Variants in CADPS observed in about 807,000 individuals in gnomAD.
CADPS encodes calcium-dependent secretion activator 1.
A neutral mutation model predicts 167.3 loss-of-function variants in CADPS; 57 were observed. The observed-to-expected ratio is 0.34, with a 90% CI of 0.28 to 0.42. CADPS has a LOEUF of 0.42. CADPS is among the 20% of genes least tolerant of loss of function. The probability of loss-of-function intolerance (pLI) is 1.00; values close to 1 mark genes in which losing one functional copy is unlikely to be tolerated. For missense variants in CADPS, 1,414 were observed against 1,738.1 expected (o/e 0.81, Z 3.32); for synonymous variants, 676 against 635.3 (o/e 1.06, Z -0.96).
chr3:62,649,127 C>T (rs2069345059), intron 5 of CADPS, among the ~76,000 whole-genome samples: 1 of 152,154 alleles, frequency 6.6e-6, no homozygotes, highest in South Asian at 2.1e-4. Flanking sequence ...AATTTGATCT[C>T]TTCTCTTGGT....
chr3:62,632,520 T>C (rs1277859026), intron 6 of CADPS, among the ~76,000 whole-genome samples: 4 of 152,082 alleles, frequency 2.6e-5, no homozygotes, highest in Non-Finnish European at 4.4e-5. Context: ...CACCGTAGAG[T>C]TGGAGTCAAG....
intron 3 of CADPS, among the ~76,000 whole-genome samples, chr3:62,702,744 G>A (rs1447563041): frequency 2.0e-5 from 3 of 152,124 alleles, no homozygotes; most frequent in Non-Finnish European, 2.9e-5. Flanking sequence ...CAGTTGAAAT[G>A]TGGCTAGTGC....
intron 11 of CADPS, among the ~76,000 whole-genome samples, chr3:62,541,752 A>G (rs529125415): frequency 6.6e-6 from 1 of 152,200 alleles, no homozygotes; most frequent in Non-Finnish European, 1.5e-5. Context: ...TTGTTCTTTG[A>G]TCATGATATT....
intron 3 of CADPS, among the ~76,000 whole-genome samples, chr3:62,687,029 C>G (rs567560680): frequency 4.5e-4 from 68 of 152,268 alleles, no homozygotes; most frequent in Non-Finnish European, 8.7e-4. Context: ...AGTAGCACAT[C>G]TGCAGCAGCT....
chr3:62,686,101 T>C (rs1402928475), intron 3 of CADPS, among the ~76,000 whole-genome samples: 1 of 152,096 alleles, frequency 6.6e-6, no homozygotes, highest in Non-Finnish European at 1.5e-5. Flanking sequence ...CCCATAAATA[T>C]GTACGATTAT....
At chr3:62,605,414 C>A (rs572430263) in intron 6 of CADPS, among the ~76,000 whole-genome samples, 16 of 152,344 alleles carry the variant, frequency 1.1e-4, no homozygotes, top group Admixed American at 9.8e-4. Flanking sequence ...GCTTTATGAT[C>A]TCAGACACAT....
intron 29 of CADPS, among the ~76,000 whole-genome samples, chr3:62,401,893 C>T (rs950188675): frequency 2.6e-5 from 4 of 152,084 alleles, no homozygotes; most frequent in Non-Finnish European, 5.9e-5. Context: ...TTCATGTCTA[C>T]CCAATAAGGG....
chr3:62,791,538 G>C (rs1373777495), intron 1 of CADPS, among the ~76,000 whole-genome samples: 1 of 152,138 alleles, frequency 6.6e-6, no homozygotes, highest in Non-Finnish European at 1.5e-5. Flanking sequence ...TCTCCAGGTT[G>C]ATTCATATGA....
chr3:62,486,308 G>A (rs1410905600), intron 21 of CADPS, among the ~76,000 whole-genome samples: 2 of 151,928 alleles, frequency 1.3e-5, no homozygotes, highest in Non-Finnish European at 2.9e-5. Flanking sequence ...AGCTGGGCGT[G>A]GTGGCAGGCA....
chr3:62,586,447 A>G (rs898903737), intron 7 of CADPS, among the ~76,000 whole-genome samples: 6 of 152,014 alleles, frequency 3.9e-5, no homozygotes, highest in African/African-American at 1.4e-4. Context: ...GGGCAGACAC[A>G]TATGGCTCCC....
chr3:62,518,359 T>G, intron 13 of CADPS, 109 bp from the exon 14 acceptor site: 1 of 774,038 alleles, frequency 1.3e-6, no homozygotes, highest in Non-Finnish European at 2.1e-6. Flanking sequence ...ACTACAGTGA[T>G]CGATGTGAGC....
At position 62,587,255 on chromosome 3, in the gene CADPS, T is replaced by C. The variant is rs141115141; in HGVS notation, c.1438-1931A>G. Among the ~76,000 whole-genome samples, 69 of 152,352 alleles carry C rather than the reference T, an allele frequency of 4.5e-4. No individual in the cohort carries two copies. In the Middle Eastern group the frequency reaches 0.01, roughly 23 times the overall value. On this transcript the variant is annotated intron_variant, in intron 7 of 29. Transcript: ENST00000383710. ...AGTTAAAGCTCCAGCATAAAATGTATAAATTCACTTAACTGGCACCAGAGA... is the reference window on the plus strand; with the variant it reads ...AGTTAAAGCTCCAGCATAAAATGTACAAATTCACTTAACTGGCACCAGAGA...
chr3:62,688,090 T>C (rs972178735), intron 3 of CADPS, among the ~76,000 whole-genome samples: 4 of 152,058 alleles, frequency 2.6e-5, no homozygotes, highest in Non-Finnish European at 4.4e-5. Context: ...TTCCATCAGT[T>C]AATCGAGAAT....
chr3:62,509,170 G>A (rs1388537851), intron 17 of CADPS, among the ~76,000 whole-genome samples: 1 of 151,810 alleles, frequency 6.6e-6, no homozygotes, highest in Non-Finnish European at 1.5e-5. Flanking sequence ...TGGGCATGGT[G>A]GTGTGTGCCT....
chr3:62,615,542 T>A (rs757399235), intron 6 of CADPS, among the ~76,000 whole-genome samples: 2 of 152,162 alleles, frequency 1.3e-5, no homozygotes, highest in Non-Finnish European at 2.9e-5. Context: ...TCTCACAAGG[T>A]CAGCCACAGT....
chr3:62,740,370 G>A (rs981344055), intron 3 of CADPS, among the ~76,000 whole-genome samples: 1 of 152,176 alleles, frequency 6.6e-6, no homozygotes, highest in Admixed American at 6.5e-5. Flanking sequence ...CCAAAGTTAA[G>A]GGGTTGAGAA....
intron 6 of CADPS, among the ~76,000 whole-genome samples, chr3:62,623,457 G>A (rs1313728620): frequency 1.3e-5 from 2 of 152,164 alleles, no homozygotes; most frequent in African/African-American, 4.8e-5. Context: ...CATTTCCTCT[G>A]ATTGAATCAT....
intron 2 of CADPS, among the ~76,000 whole-genome samples, chr3:62,762,803 G>A (rs1422961472): frequency 6.6e-6 from 1 of 152,092 alleles, no homozygotes. Context: ...ACTGAGTAAT[G>A]AATATATGCA....
chr3:62,857,981 C>G (rs1054856873), intron 1 of CADPS, among the ~76,000 whole-genome samples: 3 of 152,038 alleles, frequency 2.0e-5, no homozygotes, highest in African/African-American at 7.2e-5. Flanking sequence ...CTGCTTCCTA[C>G]AAATATGATT....
Sources: allele counts gnomAD v4.1 joint callset (sites outside exome capture counted in the v4.1 genomes callset), GRCh38; gene constraint gnomAD v4.1.1; transcripts MANE v1.5; gene names NCBI Gene and HGNC (gene_info 2026-07-23, HGNC 2026-07-21).